Variants in PTPRN2 observed in about 807,000 individuals in gnomAD.
PTPRN2 encodes protein tyrosine phosphatase receptor type N2.
PTPRN2 carries 74 observed loss-of-function variants against 118.8 expected under a neutral mutation model. The observed-to-expected ratio is 0.62, with a 90% CI of 0.52 to 0.76. PTPRN2 has a LOEUF of 0.76. Among genes scored for constraint, PTPRN2 ranks in the 30% least tolerant of loss-of-function variants. The pLI is 0.00. For synonymous variants in PTPRN2, 641 were observed against 608.0 expected (o/e 1.05, Z -0.80); for missense variants, 1,481 against 1,394.4 (o/e 1.06, Z -0.99).
intron 11 of PTPRN2, among the ~76,000 whole-genome samples, chr7:157,914,680 C>A (rs1798297518): frequency 1.3e-5 from 2 of 151,696 alleles, no homozygotes; most frequent in South Asian, 4.1e-4. Context: ...TAAGAGTCTT[C>A]TACTCTGCTG....
intron 5 of PTPRN2, among the ~76,000 whole-genome samples, chr7:158,179,281 G>T (rs1824493302): frequency 6.6e-6 from 1 of 151,962 alleles, no homozygotes; most frequent in Non-Finnish European, 1.5e-5. Flanking sequence ...TTTTTCATAT[G>T]TTGTTGCCCA....
chr7:158,389,045 G>A (rs1004841164), intron 2 of PTPRN2, among the ~76,000 whole-genome samples: 3 of 152,220 alleles, frequency 2.0e-5, no homozygotes, highest in East Asian at 1.9e-4. Context: ...AACGTGAGGC[G>A]GGCCCCTGGA....
At chr7:158,128,055 T>C (rs2150413029) in intron 9 of PTPRN2, among the ~76,000 whole-genome samples, 1 of 152,074 alleles carries the variant, frequency 6.6e-6, no homozygotes, top group Middle Eastern at 3.4e-3. Context: ...ATGTGGATGC[T>C]GAGGTGACAC....
intron 11 of PTPRN2, among the ~76,000 whole-genome samples, chr7:158,038,768 A>ATT (rs1808253286): frequency 5.3e-5 from 2 of 37,930 alleles, no homozygotes; most frequent in Admixed American, 2.1e-4. Flanking sequence ...GAAATATAAG[A>ATT]TTATACATAA....
chr7:158,303,788 T>TGGGGG (rs1801072876), intron 3 of PTPRN2, among the ~76,000 whole-genome samples: 1 of 152,254 alleles, frequency 6.6e-6, no homozygotes, highest in Admixed American at 6.5e-5. Flanking sequence ...CCAGACACCA[T>TGGGGG]GGTTTCCGAG....
At chr7:157,631,818 C>G (rs1198662300) in intron 14 of PTPRN2, among the ~76,000 whole-genome samples, 1 of 144,374 alleles carries the variant, frequency 6.9e-6, no homozygotes, top group African/African-American at 2.7e-5. Flanking sequence ...GGCGACAGAG[C>G]GAGACTCCGT....
intron 21 of PTPRN2, among the ~76,000 whole-genome samples, chr7:157,558,966 C>T (rs1212461998): frequency 2.6e-5 from 4 of 152,250 alleles, no homozygotes; most frequent in Admixed American, 6.5e-5. Context: ...CATTTGACCT[C>T]GGAAACAGGA....
At chr7:157,925,607 G>T (rs1798934424) in intron 11 of PTPRN2, among the ~76,000 whole-genome samples, 1 of 152,154 alleles carries the variant, frequency 6.6e-6, no homozygotes, top group Non-Finnish European at 1.5e-5. Flanking sequence ...CAGGCCACGT[G>T]GAAACCGCAT....
intron 11 of PTPRN2, among the ~76,000 whole-genome samples, chr7:158,075,159 G>A (rs1812245733): frequency 6.6e-6 from 1 of 152,200 alleles, no homozygotes; most frequent in Non-Finnish European, 1.5e-5. Context: ...GGTGCTGCCA[G>A]CCCTGAGCTC....
At chr7:158,033,419 C>T (rs1807838113) in intron 11 of PTPRN2, among the ~76,000 whole-genome samples, 1 of 152,202 alleles carries the variant, frequency 6.6e-6, no homozygotes, top group African/African-American at 2.4e-5. Flanking sequence ...TTGCAGCCTC[C>T]TGAGTCACGG....
chr7:157,773,351 A>T (rs1287252993), intron 12 of PTPRN2, among the ~76,000 whole-genome samples: 1 of 152,140 alleles, frequency 6.6e-6, no homozygotes, highest in Admixed American at 6.5e-5. Context: ...AACAGGAGAG[A>T]GGCGGCTCCC....
Position 157,603,982 on chromosome 7 carries a change from T to C in PTPRN2, c.2418+20A>G. The C allele has an allele frequency of 6.2e-7, 1 of 1,611,444 alleles. No homozygotes were observed. Among genetic ancestry groups the C allele is most frequent in the East Asian group, 2.2e-5 (1 of 44,854 alleles). ...CACCCAAGGGAAAGCCTGGGGCCCC[T>C]GTCCCGGCAGTGCACTTACGATGGG... On this transcript the variant is annotated intron_variant, in intron 16 of 22. Transcript: ENST00000389418. This position sits in a 1 kb window ranked among gnomAD's most constrained non-coding sequence, Gnocchi z 5.4.
intron 12 of PTPRN2, among the ~76,000 whole-genome samples, chr7:157,735,118 G>A (rs1375735450): frequency 2.0e-5 from 3 of 152,236 alleles, no homozygotes; most frequent in African/African-American, 7.2e-5. Flanking sequence ...CGTGTGCTCA[G>A]CTGAACACGG....
intron 12 of PTPRN2, among the ~76,000 whole-genome samples, chr7:157,823,955 TA>T (rs1563145784): frequency 1.3e-5 from 2 of 152,024 alleles, no homozygotes. Flanking sequence ...ACAGAGAAAT[TA>T]GAAGTGTTTT....
At chr7:157,994,446 T>C (rs13234965) in intron 11 of PTPRN2, among the ~76,000 whole-genome samples, 127,834 of 148,722 alleles carry the variant, frequency 0.86, 54,939 homozygotes, top group East Asian at 0.92. Flanking sequence ...GTCATTGGGA[T>C]GAATCTGAGG....
rs1424580485 is a variant in PTPRN2 at position 157,964,953 on chromosome 7, G to C, written c.1724-66216C>G. On this transcript the variant is annotated intron_variant, in intron 11 of 22. Coordinates refer to ENST00000389418, the MANE Select transcript of PTPRN2 (RefSeq NM_002847.5). This position sits in a 1 kb window ranked among gnomAD's most constrained non-coding sequence, Gnocchi z 9.0. ...GTTCAACAGAGACCTTTGGGAGTGAGTGTCAGTGCCGTAGCGGAACACAGG... is the reference window on the plus strand; with the variant it reads ...GTTCAACAGAGACCTTTGGGAGTGACTGTCAGTGCCGTAGCGGAACACAGG... Among the ~76,000 whole-genome samples the C allele has an allele frequency of 6.6e-6, 1 of 152,250 alleles. No homozygotes were observed.
chr7:157,709,689 G>C (rs1194998799), intron 12 of PTPRN2, among the ~76,000 whole-genome samples: 5 of 152,238 alleles, frequency 3.3e-5, no homozygotes. Flanking sequence ...GCCTGCTCCA[G>C]GAGCTGCGCC....
intron 11 of PTPRN2, among the ~76,000 whole-genome samples, chr7:157,919,179 T>G (rs1193843608): frequency 6.6e-6 from 1 of 152,154 alleles, no homozygotes. Context: ...CGATCAGATA[T>G]TAAGCCTCAA....
At chr7:158,002,502 C>T (rs1327397969) in intron 11 of PTPRN2, among the ~76,000 whole-genome samples, 1 of 152,148 alleles carries the variant, frequency 6.6e-6, no homozygotes, top group Non-Finnish European at 1.5e-5. Context: ...GGATGGCAAC[C>T]TGGCCAGCAT....
Sources: gnomAD v4.1 joint callset for allele counts (sites outside exome capture counted in the v4.1 genomes callset) on GRCh38, gnomAD v4.1.1 for gene constraint, Gnocchi (gnomAD v3.1) non-coding constraint, MANE v1.5 for transcripts, NCBI Gene and HGNC (gene_info 2026-07-23, HGNC 2026-07-21) for gene names.